Variants in RB1 observed in about 807,000 individuals in gnomAD.
RB1 encodes RB transcriptional corepressor 1, also known as retinoblastoma-associated protein.
RB1 carries 18 observed loss-of-function variants against 135.4 expected under a neutral mutation model. That is an observed-to-expected ratio of 0.13 (90% CI 0.09 to 0.20). The LOEUF is 0.20. Among genes scored for constraint, RB1 ranks in the 10% least tolerant of loss-of-function variants. The pLI, the probability that RB1 is intolerant of heterozygous loss-of-function variation, is 1.00. For missense variants in RB1, 868 were observed against 1,110.0 expected (o/e 0.78, Z 3.10); for synonymous variants, 365 against 373.2 (o/e 0.98, Z 0.25).
intron 7 of RB1, among the ~76,000 whole-genome samples, chr13:48,362,480 T>A (rs1952652470): frequency 6.6e-6 from 1 of 151,946 alleles, no homozygotes; most frequent in Middle Eastern, 3.4e-3. Context: ...TTTAAGACTC[T>A]AGGACAGAAA....
Position 48,380,101 on chromosome 13 carries a change from T to C in RB1, c.1421+17T>C, listed in dbSNP as rs903768324. ...AAATTTTAGGTAAATTTTTTACTTTTAGTAAAAAATTTTTTTCTTTTTATA... is the reference window on the plus strand; with the variant it reads ...AAATTTTAGGTAAATTTTTTACTTTCAGTAAAAAATTTTTTTCTTTTTATA... On this transcript the variant is annotated intron_variant, in intron 15 of 26. Transcript: ENST00000267163. The C allele has an allele frequency of 3.5e-6, 5 of 1,430,182 alleles. No individual in the cohort carries two copies. In the African/African-American group the frequency reaches 7.3e-5, roughly 21 times the overall value. The allele number at this position is 1,430,182 out of a possible 1,614,324, so 88.6% of individuals were successfully genotyped here. A position where few individuals can be genotyped will look rare whatever the true frequency, so the allele number is the denominator to read the frequency against.
chr13:48,320,153 C>A, intron 2 of RB1: 1 of 804,208 alleles, frequency 1.2e-6, no homozygotes. Context: ...TCTGCAGTTT[C>A]CTCCTCCCTC....
intron 17 of RB1, among the ~76,000 whole-genome samples, chr13:48,400,945 C>T (rs1948686542): frequency 6.6e-6 from 1 of 151,966 alleles, no homozygotes; most frequent in South Asian, 2.1e-4. Context: ...CTTGAGGCAC[C>T]CCTCCTCCCC....
chr13:48,452,792 T>C (rs1269293840), intron 17 of RB1, among the ~76,000 whole-genome samples: 2 of 152,162 alleles, frequency 1.3e-5, no homozygotes, highest in Non-Finnish European at 2.9e-5. Flanking sequence ...ATTTTTCTAC[T>C]TTTTTGTGTG....
intron 2 of RB1, chr13:48,320,163 C>T (rs1385300989): frequency 1.2e-6 from 1 of 823,326 alleles, no homozygotes; most frequent in South Asian, 1.6e-5. Flanking sequence ...CCTCCTCCCT[C>T]ATGGGGTCAA....
intron 12 of RB1, 53 bp from the exon 13 acceptor site, chr13:48,376,865 A>G: frequency 6.2e-7 from 1 of 1,609,292 alleles, no homozygotes; most frequent in Non-Finnish European, 8.5e-7. Flanking sequence ...AGAAAATATT[A>G]ATTCTGATTA....
chr13:48,398,873 T>A (rs369795083), intron 17 of RB1, among the ~76,000 whole-genome samples: 1 of 152,114 alleles, frequency 6.6e-6, no homozygotes, highest in Admixed American at 6.5e-5. Context: ...GGGAAGTGTT[T>A]TGCCTAGGAG....
intron 17 of RB1, among the ~76,000 whole-genome samples, chr13:48,386,273 T>C (rs1339914283): frequency 6.6e-6 from 1 of 152,190 alleles, no homozygotes; most frequent in Non-Finnish European, 1.5e-5. Context: ...GTGAACATCA[T>C]AGAGTGTGCT....
At chr13:48,459,497 C>A in intron 19 of RB1, among the ~76,000 whole-genome samples, 191 bp from the exon 20 acceptor site, 1 of 152,028 alleles carries the variant, frequency 6.6e-6, no homozygotes, top group Non-Finnish European at 1.5e-5. Flanking sequence ...TCATCTGTAT[C>A]CCTTGTAATA....
intron 14 of RB1, 116 bp downstream of exon 14, chr13:48,379,766 C>A: frequency 7.5e-7 from 1 of 1,332,334 alleles, no homozygotes; most frequent in Non-Finnish European, 1.0e-6. Flanking sequence ...TCAAGATCAT[C>A]CTGGCCAAAA....
chr13:48,303,776 C>T lies in RB1; in HGVS notation c.-137C>T. The T allele has an allele frequency of 7.5e-7, 1 of 1,333,136 alleles. No homozygotes were observed. Among genetic ancestry groups the T allele is most frequent in the Non-Finnish European group, 9.9e-7 (1 of 1,005,200 alleles). 82.6% of individuals were successfully genotyped at this position (1,333,136 alleles called of 1,614,324 possible). A position where few individuals can be genotyped will look rare whatever the true frequency, so the allele number is the denominator to read the frequency against. On this transcript the variant is annotated 5_prime_UTR_variant, in exon 1 of 27. Coordinates refer to ENST00000267163, the MANE Select transcript of RB1 (RefSeq NM_000321.3). Reference sequence around the variant, plus strand: ...AGTTGCCGGGCGGGGGAGGGCGCGTCCGGTTTTTCTCAGGGGACGTTGAAA... The same window carrying T: ...AGTTGCCGGGCGGGGGAGGGCGCGTTCGGTTTTTCTCAGGGGACGTTGAAA...
intron 17 of RB1, among the ~76,000 whole-genome samples, chr13:48,393,989 C>T (rs1283248616): frequency 6.6e-6 from 1 of 152,102 alleles, no homozygotes; most frequent in African/African-American, 2.4e-5. Context: ...CAGCTCTGGT[C>T]TGCAGCTGCC....
intron 17 of RB1, among the ~76,000 whole-genome samples, chr13:48,451,559 G>A (rs188834739): frequency 3.5e-4 from 53 of 152,202 alleles, no homozygotes; most frequent in African/African-American, 1.2e-3. Flanking sequence ...CTGTTCATCA[G>A]AGATATTGGC....
chr13:48,377,214 C>T (rs1481858318), intron 13 of RB1, among the ~76,000 whole-genome samples, 180 bp downstream of exon 13: 9 of 152,072 alleles, frequency 5.9e-5, no homozygotes, highest in Non-Finnish European at 1.3e-4. Context: ...AAAACTACCT[C>T]CCACCCCATT....
intron 17 of RB1, among the ~76,000 whole-genome samples, chr13:48,452,217 TGAG>T (rs1406271076): frequency 1.3e-5 from 2 of 152,116 alleles, no homozygotes; most frequent in Non-Finnish European, 2.9e-5. Context: ...TAAAATGAGA[TGAG>T]GAATGTTTCT....
At chr13:48,444,928 A>G (rs982069404) in intron 17 of RB1, 2 of 152,324 alleles carry the variant, frequency 1.3e-5, no homozygotes, top group Non-Finnish European at 2.9e-5. Context: ...AACAGTTTTT[A>G]TATATTTTCA....
chr13:48,436,634 ACT>A (rs1009257689), intron 17 of RB1, among the ~76,000 whole-genome samples: 53 of 144,022 alleles, frequency 3.7e-4, no homozygotes, highest in African/African-American at 1.3e-3. Flanking sequence ...CAAGAGCAAG[ACT>A]CTCTCTTAAA....
rs2138120959 is a variant in RB1 at position 48,367,501 on chromosome 13, A to G, written c.947A>G (p.Asn316Ser). The change falls in exon 10 of 27, where the codon AAT becomes AGT. Residue 316 changes from asparagine (N) to serine (S), a missense_variant. Asn to Ser is a conservative substitution (Grantham distance 46). Transcript: ENST00000267163. ...TGACTTTTTTCTTTCAAGGTTGAAAATCTTTCTAAACGATACGAAGAAATT... is the reference window on the plus strand; with the variant it reads ...TGACTTTTTTCTTTCAAGGTTGAAAGTCTTTCTAAACGATACGAAGAAATT... ...VTSNGLPEVE[N>S]LSKRYEEIYL... is the part of the protein sequence containing the mutation. 3 of 1,603,222 alleles carry G rather than the reference A, an allele frequency of 1.9e-6. No individual in the cohort carries two copies. The highest frequency in any genetic ancestry group is 2.6e-6 in the Non-Finnish European group (3 of 1,173,634).
chr13:48,313,283 TC>T (rs1470830781), intron 2 of RB1, among the ~76,000 whole-genome samples: 1 of 152,002 alleles, frequency 6.6e-6, no homozygotes, highest in Non-Finnish European at 1.5e-5. Context: ...TGCAGACTTT[TC>T]CCCCCATTCT....
Sources: allele counts gnomAD v4.1 joint callset (sites outside exome capture counted in the v4.1 genomes callset), GRCh38; gene constraint gnomAD v4.1.1; transcripts MANE v1.5; gene names NCBI Gene and HGNC (gene_info 2026-07-23, HGNC 2026-07-21).